The following NPAS1 variants were observed in gnomAD, a reference collection of about 807,000 sequenced individuals.
NPAS1 encodes neuronal PAS domain-containing protein 1.
A neutral mutation model predicts 49.2 loss-of-function variants in NPAS1; 29 were observed. The ratio of observed to expected loss-of-function variants is 0.59; its 90% CI spans 0.44 to 0.80. The LOEUF is 0.80. Among genes scored for constraint, NPAS1 ranks in the 30% least tolerant of loss-of-function variants. The pLI, the probability that NPAS1 is intolerant of heterozygous loss-of-function variation, is 0.00. For synonymous variants in NPAS1, 408 were observed against 380.4 expected, an observed-to-expected ratio of 1.07 and a Z score of -0.84; for missense variants, 825 against 835.5, an observed-to-expected ratio of 0.99 and a Z score of 0.15.
chr19:47,020,424 C>T (rs986225504), intron 1 of NPAS1, among the ~76,000 whole-genome samples: 3 of 151,606 alleles, frequency 2.0e-5, no homozygotes, highest in Non-Finnish European at 4.4e-5. Flanking sequence ...AAGTTGTGGT[C>T]GTGGGGATGT....
In NPAS1 at chr19:47,036,067, C is replaced by T. The variant is rs902041613; in HGVS notation, c.626C>T (p.Thr209Ile). 6.3e-7 allele frequency: 1 copy of T among 1,597,358 alleles called. No individual in the cohort carries two copies. The highest frequency in any genetic ancestry group is 1.3e-5 in the African/African-American group (1 of 74,694). ...GLRTPTPGPPTPPSVSSSSSS... is the reference protein window; with the variant it reads ...GLRTPTPGPPIPPSVSSSSSS... ...CGGACGCCGACGCCCGGCCCCCCAACCCCGCCCTCCGTCTCCTCTTCCTCC... is the reference window on the plus strand; with the variant it reads ...CGGACGCCGACGCCCGGCCCCCCAATCCCGCCCTCCGTCTCCTCTTCCTCC... The change falls in exon 6 of 12, where the codon ACC becomes ATC. Residue 209 changes from threonine to isoleucine, a missense_variant. Physicochemically the swap from Thr to Ile is moderately conservative, Grantham distance 89. Coordinates refer to ENST00000602212, the MANE Select transcript of NPAS1 (RefSeq NM_002517.4).
intron 10 of NPAS1, 95 bp from the exon 11 acceptor site, chr19:47,042,715 G>T: frequency 2.1e-6 from 2 of 944,698 alleles, no homozygotes; most frequent in Non-Finnish European, 3.1e-6. Flanking sequence ...TTCCCCGTGG[G>T]AGTGTCCACA....
At chr19:47,028,286 C>T (rs1431379772) in intron 3 of NPAS1, among the ~76,000 whole-genome samples, 1 of 151,962 alleles carries the variant, frequency 6.6e-6, no homozygotes, top group Non-Finnish European at 1.5e-5. Context: ...AGGGGGTCCC[C>T]GTCAACCCCC....
At chr19:47,022,696 A>G (rs2056849425) in intron 3 of NPAS1, among the ~76,000 whole-genome samples, 1 of 152,240 alleles carries the variant, frequency 6.6e-6, no homozygotes, top group Non-Finnish European at 1.5e-5. Context: ...GAAACAATCT[A>G]GACAAAAGTC....
chr19:47,033,975 TAAAAAAAAAAAAA>T (rs532811476), intron 5 of NPAS1, among the ~76,000 whole-genome samples: 5 of 100,838 alleles, frequency 5.0e-5, no homozygotes, highest in South Asian at 9.4e-4. Context: ...GGCTATGCCT[TAAAAAAAAAAAAA>T]AAAAAAAAAA....
At chr19:47,038,984 C>T (rs2122529523) in intron 6 of NPAS1, 52 bp from the exon 7 acceptor site, 1 of 1,517,450 alleles carries the variant, frequency 6.6e-7, no homozygotes, top group East Asian at 2.2e-5. Context: ...TCAGGGTGGC[C>T]TGTGTGTTTC....
At chr19:47,032,253 G>A (rs772130543) in intron 3 of NPAS1, 25 bp from the exon 4 acceptor site, 1 of 1,610,628 alleles carries the variant, frequency 6.2e-7, no homozygotes, top group Non-Finnish European at 8.5e-7. Context: ...CAGACTAACA[G>A]GCTTCATCCT....
At chr19:47,028,962 G>A (rs2122469427) in intron 3 of NPAS1, among the ~76,000 whole-genome samples, 1 of 152,064 alleles carries the variant, frequency 6.6e-6, no homozygotes, top group African/African-American at 2.4e-5. Context: ...GGGGCAGGGG[G>A]CACAGGTCTC....
chr19:47,042,744 A>G (rs768383048), intron 10 of NPAS1, 66 bp from the exon 11 acceptor site: 50 of 1,362,432 alleles, frequency 3.7e-5, no homozygotes, highest in Non-Finnish European at 4.9e-5. Flanking sequence ...CAAGTTGGGT[A>G]AAGCAGGAGG....
At position 47,021,603 on chromosome 19, in the gene NPAS1, C is replaced by A; in HGVS notation, c.123-9C>A. On this transcript the variant is annotated splice_polypyrimidine_tract_variant and intron_variant, in intron 2 of 11. Coordinates refer to ENST00000602212, the MANE Select transcript of NPAS1 (RefSeq NM_002517.4). This position sits in a 1 kb window ranked among gnomAD's most constrained non-coding sequence, Gnocchi z 5.7. Reference sequence around the variant, plus strand: ...CCCCGCCGACACCTCCTCCGCGCCGCCCGCCCAGCCTGCAGGCGCAGCGCA... The same window carrying A: ...CCCCGCCGACACCTCCTCCGCGCCGACCGCCCAGCCTGCAGGCGCAGCGCA... 6.8e-7 allele frequency: 1 copy of A among 1,474,518 alleles called. No homozygotes were observed. Among genetic ancestry groups the A allele is most frequent in the South Asian group, 1.3e-5 (1 of 76,354 alleles). The allele number at this position is 1,474,518 out of a possible 1,614,324, so 91.3% of individuals were successfully genotyped here.
chr19:47,039,285 G>GT, intron 7 of NPAS1, 122 bp from the exon 8 acceptor site: 1 of 1,475,020 alleles, frequency 6.8e-7, no homozygotes, highest in Non-Finnish European at 9.3e-7. Context: ...GGGACTGGGG[G>GT]GGTCACACAG....
Position 47,039,053 on chromosome 19 carries a change from G to A in NPAS1, c.706G>A (p.Val236Met), listed in dbSNP as rs745623177. ...TGTCCCAGAGGCCAGCCTCACCAAG[G>A]TGCCCCCCTCCTCCCTGGTCCAGGA... ...TPEIEASLTK[V>M]PPSSLVQERS... Residue 236 changes from valine (V) to methionine (M), a missense_variant, in exon 7 of 12, where the codon GTG becomes ATG. Physicochemically the swap from Val to Met is conservative, Grantham distance 21 (BLOSUM62 1). Coordinates refer to ENST00000602212, the MANE Select transcript of NPAS1 (RefSeq NM_002517.4). The A allele has an allele frequency of 3.1e-6, 5 of 1,613,986 alleles. No individual in the cohort carries two copies. The South Asian group carries it at 3.3e-5, about 11-fold the overall frequency.
intron 3 of NPAS1, among the ~76,000 whole-genome samples, chr19:47,024,407 CAGGGAGGCA>C (rs2056859350): frequency 6.6e-6 from 1 of 152,096 alleles, no homozygotes; most frequent in African/African-American, 2.4e-5. Flanking sequence ...TCTCAGCTCT[CAGGGAGGCA>C]AGAGGCGGGA....
chr19:47,025,978 CA>C (rs1344492564), intron 3 of NPAS1, among the ~76,000 whole-genome samples: 4 of 151,778 alleles, frequency 2.6e-5, no homozygotes, highest in Admixed American at 2.6e-4. Context: ...CTTGCTCTGT[CA>C]CCCAGGCTGG....
intron 11 of NPAS1, among the ~76,000 whole-genome samples, chr19:47,044,336 G>A (rs2057052375): frequency 6.6e-6 from 1 of 152,158 alleles, no homozygotes; most frequent in East Asian, 1.9e-4. Flanking sequence ...GCCTCCCAAA[G>A]TGCTGGGATT....
In NPAS1 at chr19:47,041,099, T is replaced by A. The variant is rs1003099343; in HGVS notation, c.1191T>A (p.His397Gln). 1 of 1,595,568 alleles carries A rather than the reference T, an allele frequency of 6.3e-7. No individual in the cohort carries two copies. The highest frequency in any genetic ancestry group is 8.5e-7 in the Non-Finnish European group (1 of 1,175,116). ...AGSGKSPGEH[H>Q]VLWVSHVLSQ... Reference sequence around the variant, plus strand: ...GCGGGAAGAGCCCCGGGGAGCACCATGTGCTTTGGGTCAGCCACGTGCTCA... The same window carrying A: ...GCGGGAAGAGCCCCGGGGAGCACCAAGTGCTTTGGGTCAGCCACGTGCTCA... The change falls in exon 10 of 12, where the codon CAT (histidine) becomes CAA (glutamine). Residue 397 changes from histidine (H) to glutamine (Q), a missense_variant. Physicochemically the swap from His to Gln is conservative, Grantham distance 24. Transcript: ENST00000602212.
At chr19:47,039,674 C>G in intron 8 of NPAS1, 110 bp downstream of exon 8, 1 of 1,227,468 alleles carries the variant, frequency 8.1e-7, no homozygotes, top group Non-Finnish European at 1.1e-6. Flanking sequence ...ACTGGGGAGC[C>G]ATGGGAGGCG....
At chr19:47,026,279 G>A (rs781658296) in intron 3 of NPAS1, among the ~76,000 whole-genome samples, 4 of 152,212 alleles carry the variant, frequency 2.6e-5, no homozygotes, top group African/African-American at 4.8e-5. Context: ...GGAGGTGTGG[G>A]AGCAGCTGTG....
intron 3 of NPAS1, among the ~76,000 whole-genome samples, chr19:47,026,410 C>A (rs1371124043): frequency 6.6e-6 from 1 of 152,132 alleles, no homozygotes; most frequent in African/African-American, 2.4e-5. Context: ...TTGGCTGTTA[C>A]CCACAGTGAG....
Sources: allele counts gnomAD v4.1 joint callset (sites outside exome capture counted in the v4.1 genomes callset), GRCh38; gene constraint gnomAD v4.1.1; non-coding constraint Gnocchi (gnomAD v3.1); transcripts MANE v1.5; gene names NCBI Gene and HGNC (gene_info 2026-07-23, HGNC 2026-07-21).